The following DPYSL3 variants were observed in gnomAD, a reference collection of about 807,000 sequenced individuals.
DPYSL3 encodes dihydropyrimidinase like 3.
In DPYSL3, 16 loss-of-function variants were observed where a neutral mutation model predicts 66.1. That is an observed-to-expected ratio of 0.24 (90% CI 0.16 to 0.37). The LOEUF is 0.37. DPYSL3 is among the 10% of genes least tolerant of loss of function. DPYSL3 has a pLI of 1.00. For missense variants in DPYSL3, 738 were observed against 916.2 expected, an observed-to-expected ratio of 0.81 and a Z score of 2.51; for synonymous variants, 338 against 345.1, an observed-to-expected ratio of 0.98 and a Z score of 0.23.
At chr5:147,443,429 T>A (rs1044406609) in intron 1 of DPYSL3, among the ~76,000 whole-genome samples, 4 of 151,920 alleles carry the variant, frequency 2.6e-5, no homozygotes, top group African/African-American at 9.7e-5. Flanking sequence ...GAGTTGAACA[T>A]TGAGAACACA....
chr5:147,447,619 C>A (rs1052369816), intron 1 of DPYSL3, among the ~76,000 whole-genome samples: 5 of 152,088 alleles, frequency 3.3e-5, no homozygotes, highest in Admixed American at 3.3e-4. Context: ...GCCTGTAATC[C>A]CAGCACTTTG....
chr5:147,449,041 T>C (rs975610154), intron 1 of DPYSL3, among the ~76,000 whole-genome samples: 1 of 152,202 alleles, frequency 6.6e-6, no homozygotes, highest in South Asian at 2.1e-4. Context: ...ACTCCTCTTC[T>C]TTTGGTTTCC....
intron 13 of DPYSL3, among the ~76,000 whole-genome samples, chr5:147,395,283 C>T (rs960078706): frequency 2.6e-5 from 4 of 152,204 alleles, no homozygotes; most frequent in African/African-American, 7.2e-5. Context: ...ACCAGCTCCC[C>T]GACCCTGCCC....
intron 1 of DPYSL3, among the ~76,000 whole-genome samples, chr5:147,508,252 T>C (rs1753708661): frequency 6.6e-6 from 1 of 152,204 alleles, no homozygotes; most frequent in Admixed American, 6.5e-5. Flanking sequence ...GTCTTAGTAG[T>C]CAAAGGTTGG....
intron 3 of DPYSL3, among the ~76,000 whole-genome samples, chr5:147,416,319 C>G (rs772732872): frequency 6.6e-6 from 1 of 152,156 alleles, no homozygotes; most frequent in African/African-American, 2.4e-5. Context: ...AGGTCAGACT[C>G]TCTTCCAAGG....
Position 147,424,962 on chromosome 5 carries a change from C to G in DPYSL3, c.383G>C (p.Ser128Thr). The G allele has an allele frequency of 6.2e-7, 1 of 1,611,022 alleles. No homozygotes were observed. The highest frequency in any genetic ancestry group is 8.5e-7 in the Non-Finnish European group (1 of 1,178,468). Residue 128 changes from serine to threonine, a missense_variant and splice_region_variant, in exon 2 of 14, where the codon AGT becomes ACT. Transcript: ENST00000343218. The stretch of plus-strand genomic sequence containing the variant: ...GCCTCCCTTGATAAGGAGACGGTCA[C>G]TCTAGAAAAGAAGGAAAACATGAGT... ...VLQNLGPKDKSDRLLIKGGRI... is the reference protein window; with the variant it reads ...VLQNLGPKDKTDRLLIKGGRI...
Position 147,401,622 on chromosome 5 carries a change from C to T in DPYSL3, c.1228G>A (p.Ala410Thr). Residue 410 changes from alanine (A) to threonine (T), a missense_variant, in exon 9 of 14, where the codon GCC becomes ACC. Coordinates refer to ENST00000343218, the MANE Select transcript of DPYSL3 (RefSeq NM_001197294.2). Reference protein sequence around the residue: ...DGTHYWSKNWAKAAAFVTSPP... With the variant: ...DGTHYWSKNWTKAAAFVTSPP... The stretch of plus-strand genomic sequence containing the variant: ...GATGTCACAAATGCAGCCGCCTTGG[C>T]CCAGTTCTTGCTCCAATAATGGGTT... 1 of 1,614,048 alleles carries T rather than the reference C, an allele frequency of 6.2e-7. No homozygotes were observed. The highest frequency in any genetic ancestry group is 8.5e-7 in the Non-Finnish European group (1 of 1,179,982).
At chr5:147,488,263 A>G (rs958644811) in intron 1 of DPYSL3, among the ~76,000 whole-genome samples, 2 of 152,178 alleles carry the variant, frequency 1.3e-5, no homozygotes, top group Admixed American at 1.3e-4. Flanking sequence ...AGAAACCAGG[A>G]GGTAGATCAA....
chr5:147,455,530 C>T (rs1752835164), intron 1 of DPYSL3, among the ~76,000 whole-genome samples: 1 of 152,160 alleles, frequency 6.6e-6, no homozygotes, highest in Non-Finnish European at 1.5e-5. Context: ...AGTGCTGAGA[C>T]CACTAGCCAA....
intron 1 of DPYSL3, chr5:147,453,564 GTTC>G (rs1752782675): frequency 6.5e-7 from 1 of 1,540,404 alleles, no homozygotes; most frequent in Non-Finnish European, 8.8e-7. Context: ...TCCGCGGGAT[GTTC>G]TTCTTGCCTT....
intron 1 of DPYSL3, among the ~76,000 whole-genome samples, chr5:147,478,885 G>A (rs1462801684): frequency 6.6e-6 from 1 of 152,102 alleles, no homozygotes; most frequent in East Asian, 1.9e-4. Flanking sequence ...TCGGGACACT[G>A]TCTCCCCAAA....
intron 1 of DPYSL3, among the ~76,000 whole-genome samples, chr5:147,467,420 T>G (rs933220083): frequency 1.3e-5 from 2 of 152,096 alleles, no homozygotes; most frequent in East Asian, 3.9e-4. Context: ...CCCATAGAAG[T>G]GAGTGGATGG....
chr5:147,425,378 T>C (rs549016222), intron 1 of DPYSL3, among the ~76,000 whole-genome samples: 3 of 152,320 alleles, frequency 2.0e-5, no homozygotes, highest in East Asian at 1.9e-4. Context: ...ATAGAACTTA[T>C]GGTTAGGCGT....
Position 147,401,558 on chromosome 5 carries a change from A to T in DPYSL3, c.1292T>A (p.Ile431Asn), listed in dbSNP as rs1370991512. The change falls in exon 9 of 14, where the codon ATC (isoleucine) becomes AAC (asparagine). Residue 431 changes from isoleucine to asparagine, a missense_variant. Physicochemically the swap from Ile to Asn is moderately radical, Grantham distance 149. Transcript: ENST00000343218. ...CACCAACCTGGCCAGCAAGGAGTTG[A>T]TGTAGTCCGGAGTAGTTGGGTCAGG... The part of the protein sequence containing the change: ...LSPDPTTPDY[I>N]NSLLASGDLQ... 2 of 1,613,060 alleles carry T rather than the reference A, an allele frequency of 1.2e-6. No homozygotes were observed. Among genetic ancestry groups the T allele is most frequent in the Non-Finnish European group, 1.7e-6 (2 of 1,179,666 alleles).
At chr5:147,494,492 GAAA>G (rs775934252) in intron 1 of DPYSL3, among the ~76,000 whole-genome samples, 18 of 151,160 alleles carry the variant, frequency 1.2e-4, no homozygotes, top group Non-Finnish European at 2.5e-4. Flanking sequence ...GGCTAACAAA[GAAA>G]AAAAGAGAAA....
At chr5:147,471,614 G>A (rs1581209655) in intron 1 of DPYSL3, among the ~76,000 whole-genome samples, 1 of 152,198 alleles carries the variant, frequency 6.6e-6, no homozygotes, top group East Asian at 1.9e-4. Context: ...CGTGGTGCAA[G>A]GTATCCACCC....
At chr5:147,446,831 C>T (rs886166982) in intron 1 of DPYSL3, among the ~76,000 whole-genome samples, 1 of 152,206 alleles carries the variant, frequency 6.6e-6, no homozygotes, top group Non-Finnish European at 1.5e-5. Flanking sequence ...AGTGATGTGA[C>T]AGGGTTGGCC....
intron 8 of DPYSL3, among the ~76,000 whole-genome samples, chr5:147,403,225 A>C (rs1352003418): frequency 6.6e-6 from 1 of 152,204 alleles, no homozygotes; most frequent in Admixed American, 6.5e-5. Context: ...GTGAGAGTAA[A>C]AAAAAATCCA....
chr5:147,502,301 C>T (rs780668900), intron 1 of DPYSL3, among the ~76,000 whole-genome samples: 5 of 151,850 alleles, frequency 3.3e-5, no homozygotes, highest in African/African-American at 1.2e-4. Flanking sequence ...TCAGACCACG[C>T]TAAATGATAA....
Sources: gnomAD v4.1 joint callset for allele counts (sites outside exome capture counted in the v4.1 genomes callset) on GRCh38, gnomAD v4.1.1 for gene constraint, MANE v1.5 for transcripts, NCBI Gene and HGNC (gene_info 2026-07-23, HGNC 2026-07-21) for gene names.